The following PCDHA2 variants were observed in gnomAD, a reference collection of about 807,000 sequenced individuals.
PCDHA2 encodes the protein protocadherin alpha-2.
In PCDHA2, 58 loss-of-function variants were observed where a neutral mutation model predicts 66.0. The observed-to-expected ratio is 0.88, with a 90% CI of 0.71 to 1.09. PCDHA2 has a LOEUF of 1.09. Ranked by LOEUF, PCDHA2 falls within the 50% of genes least tolerant of loss-of-function variation. The pLI is 0.00. For missense variants in PCDHA2, 1,267 were observed against 1,242.3 expected, an observed-to-expected ratio of 1.02 and a Z score of -0.30; for synonymous variants, 634 against 554.0, an observed-to-expected ratio of 1.14 and a Z score of -2.03.
intron 1 of PCDHA2, among the ~76,000 whole-genome samples, chr5:140,950,723 A>G (rs1478275346): frequency 1.3e-5 from 2 of 151,984 alleles, no homozygotes; most frequent in African/African-American, 4.8e-5. Flanking sequence ...ATATCCTTAA[A>G]TTTTTTAATC....
intron 1 of PCDHA2, chr5:140,866,690 A>G (rs1371582983): frequency 1.3e-5 from 2 of 152,178 alleles, no homozygotes; most frequent in Non-Finnish European, 2.9e-5. Flanking sequence ...CTGTTAGAAT[A>G]TCAGTGGATG....
rs145079458 is a variant in PCDHA2, at chr5:140,855,999, T to C, written c.2388+58647T>C. 135 of 1,513,714 alleles carry C rather than the reference T, an allele frequency of 8.9e-5. 2 individuals are homozygous for C. The East Asian group carries it at 2.5e-3, about 28-fold the overall frequency. 93.8% of individuals were successfully genotyped at this position (1,513,714 alleles called of 1,614,324 possible). On this transcript the variant is annotated intron_variant, in intron 1 of 3. Transcript: ENST00000526136. ...AGGACAGAAAATGTCAGATCGTATG[T>C]GCGTTCTAGACCGCTGATTCGTCGA... is the stretch of plus-strand genomic sequence containing the variant.
intron 1 of PCDHA2, chr5:140,805,424 G>C (rs781903034): frequency 2.8e-6 from 3 of 1,056,844 alleles, no homozygotes; most frequent in Non-Finnish European, 3.4e-6. Context: ...GTTTTTTGTT[G>C]TTGTTTTGGT....
intron 3 of PCDHA2, among the ~76,000 whole-genome samples, chr5:140,994,216 G>A (rs2097604981): frequency 6.6e-6 from 1 of 152,178 alleles, no homozygotes; most frequent in Non-Finnish European, 1.5e-5. Flanking sequence ...GGGACCCAGG[G>A]TCTGTCTATG....
At chr5:140,814,806 T>TAA (rs1765594880) in intron 1 of PCDHA2, 1 of 152,196 alleles carries the variant, frequency 6.6e-6, no homozygotes, top group East Asian at 1.9e-4. Context: ...ACACTTGACT[T>TAA]TATTGTATTG....
chr5:140,883,315 G>A (rs782377860), intron 1 of PCDHA2: 1 of 1,614,104 alleles, frequency 6.2e-7, no homozygotes, highest in Admixed American at 1.7e-5. Flanking sequence ...ACGCCCCAGA[G>A]GTTACCATCA....
intron 1 of PCDHA2, chr5:140,823,290 T>C (rs1767640734): frequency 9.9e-6 from 16 of 1,611,998 alleles, no homozygotes; most frequent in Non-Finnish European, 1.2e-5. Context: ...CGCTGTCGAG[T>C]TACGTTTCGG....
intron 1 of PCDHA2, chr5:140,866,292 A>T (rs1453745216): frequency 6.6e-6 from 1 of 152,182 alleles, no homozygotes; most frequent in East Asian, 1.9e-4. Flanking sequence ...TGGGACAAGT[A>T]TAGATGTTGA....
At chr5:140,999,551 G>C (rs1189671768) in intron 3 of PCDHA2, among the ~76,000 whole-genome samples, 3 of 152,088 alleles carry the variant, frequency 2.0e-5, no homozygotes, top group East Asian at 1.9e-4. Context: ...CAATGAAGAG[G>C]GGGTATTTTG....
intron 1 of PCDHA2, among the ~76,000 whole-genome samples, chr5:140,957,285 G>GT (rs1554222913): frequency 6.6e-6 from 1 of 152,144 alleles, no homozygotes; most frequent in Non-Finnish European, 1.5e-5. Flanking sequence ...CTTACCTGCA[G>GT]TTTCACTCTG....
At chr5:140,875,648 T>C in intron 1 of PCDHA2, 1 of 1,613,728 alleles carries the variant, frequency 6.2e-7, no homozygotes, top group Non-Finnish European at 8.5e-7. Flanking sequence ...CTGGCGGAGC[T>C]GGTGCCGCGC....
At chr5:140,844,954 C>T (rs1258176227) in intron 1 of PCDHA2, among the ~76,000 whole-genome samples, 1 of 149,088 alleles carries the variant, frequency 6.7e-6, no homozygotes, top group African/African-American at 2.5e-5. Flanking sequence ...ACTCTGAATT[C>T]TTACAGTTTG....
intron 1 of PCDHA2, among the ~76,000 whole-genome samples, chr5:140,950,918 G>C (rs1229704497): frequency 6.6e-6 from 1 of 151,584 alleles, no homozygotes; most frequent in African/African-American, 2.4e-5. Context: ...TTTTATTTCA[G>C]TTCTTTTTCT....
chr5:140,944,206 T>C (rs1291391135), intron 1 of PCDHA2, among the ~76,000 whole-genome samples: 1 of 152,156 alleles, frequency 6.6e-6, no homozygotes, highest in Non-Finnish European at 1.5e-5. Context: ...GTTTTGTTTT[T>C]AAAGAGGGTT....
intron 1 of PCDHA2, chr5:140,875,985 G>A (rs1351463699): frequency 4.3e-6 from 7 of 1,613,830 alleles, no homozygotes; most frequent in South Asian, 1.1e-5. Flanking sequence ...TGACCTATGC[G>A]TTAAGTCTAA....
At chr5:140,871,080 G>T (rs1554165086) in intron 1 of PCDHA2, 2 of 1,613,094 alleles carry the variant, frequency 1.2e-6, no homozygotes, top group Admixed American at 1.7e-5. Context: ...CGGCGCTGAC[G>T]GCCACGGCCA....
At chr5:140,828,000 C>A (rs1769482797) in intron 1 of PCDHA2, 30 of 1,490,872 alleles carry the variant, frequency 2.0e-5, no homozygotes, top group Non-Finnish European at 2.6e-5. Flanking sequence ...ATGGCGGACG[C>A]AGAAGAAATG....
intron 1 of PCDHA2, among the ~76,000 whole-genome samples, chr5:140,901,034 T>C (rs573919271): frequency 6.6e-6 from 1 of 152,240 alleles, no homozygotes; most frequent in Non-Finnish European, 1.5e-5. Context: ...TCAACTCTTT[T>C]GCCCATTTTA....
intron 1 of PCDHA2, chr5:140,870,013 A>C: frequency 6.2e-7 from 1 of 1,613,716 alleles, no homozygotes; most frequent in Non-Finnish European, 8.5e-7. Context: ...AGTGAGGGTC[A>C]ATGGAACTTT....
Sources: gnomAD v4.1 joint callset for allele counts (sites outside exome capture counted in the v4.1 genomes callset) on GRCh38, gnomAD v4.1.1 for gene constraint, MANE v1.5 for transcripts, NCBI Gene and HGNC (gene_info 2026-07-23, HGNC 2026-07-21) for gene names.